Variants in PLET1 observed in about 807,000 individuals in gnomAD.
PLET1 encodes placenta expressed transcript 1, also known as placenta-expressed transcript 1 protein.
In PLET1, 20 loss-of-function variants were observed where a neutral mutation model predicts 18.5. The observed-to-expected ratio is 1.08, with a 90% CI of 0.76 to 1.57. PLET1 has a LOEUF of 1.57. PLET1 is among the 40% of genes most tolerant of loss of function. The probability of loss-of-function intolerance (pLI) is 0.00; values close to 1 mark genes in which losing one functional copy is unlikely to be tolerated. For synonymous variants in PLET1, 93 were observed against 93.8 expected (o/e 0.99, Z 0.05); for missense variants, 256 against 246.4 (o/e 1.04, Z -0.26).
At chr11:112,251,284 A>G (rs1592889047) in intron 3 of PLET1, among the ~76,000 whole-genome samples, 1 of 9,740 alleles carries the variant, frequency 1.0e-4, no homozygotes, top group Non-Finnish European at 2.3e-4. Flanking sequence ...TTTGTAAATT[A>G]AAAAAAAAAA....
At chr11:112,249,930 C>A (rs1860136911) in intron 3 of PLET1, among the ~76,000 whole-genome samples, 1 of 134,634 alleles carries the variant, frequency 7.4e-6, no homozygotes, top group East Asian at 2.2e-4. Flanking sequence ...GCATTCCAGT[C>A]TGGGTGAGAA....
Position 112,248,940 on chromosome 11 carries a change from C to A in PLET1, c.483G>T (p.Gln161His). The change falls in exon 4 of 4, where the codon CAG becomes CAT. Residue 161 changes from glutamine (Q) to histidine (H), a missense_variant. Transcript: ENST00000338832. ...STLALAAKIP[Q>H]SSAFKPFFMI... ...TGAAGAAAGGCTTGAAGGCTGAGCTCTGGGGAATCTTGGCAGCTAAGGCTA... is the reference window on the plus strand; with the variant it reads ...TGAAGAAAGGCTTGAAGGCTGAGCTATGGGGAATCTTGGCAGCTAAGGCTA... 4 of 1,550,806 alleles carry A rather than the reference C, an allele frequency of 2.6e-6. No homozygotes were observed. Among genetic ancestry groups the A allele is most frequent in the Non-Finnish European group, 2.6e-6 (3 of 1,146,972 alleles).
Position 112,248,927 on chromosome 11 carries a change from T to C in PLET1, c.496A>G (p.Lys166Glu). 3 of 1,551,168 alleles carry C rather than the reference T, an allele frequency of 1.9e-6. No individual in the cohort carries two copies. Among genetic ancestry groups the C allele is most frequent in the Non-Finnish European group, 2.6e-6 (3 of 1,146,982 alleles). The stretch of plus-strand genomic sequence containing the variant: ...TTGGGTGTAATCATGAAGAAAGGCT[T>C]GAAGGCTGAGCTCTGGGGAATCTTG... ...AAKIPQSSAF[K>E]PFFMITPKSI... Residue 166 changes from lysine (K) to glutamate (E), a missense_variant, in exon 4 of 4, where the codon AAG (lysine) becomes GAG (glutamate). Lys to Glu is a moderately conservative substitution (Grantham distance 56). Transcript: ENST00000338832.
intron 3 of PLET1, among the ~76,000 whole-genome samples, chr11:112,251,203 T>C (rs1355348953): frequency 6.6e-6 from 1 of 152,150 alleles, no homozygotes; most frequent in Non-Finnish European, 1.5e-5. Flanking sequence ...AGGAGTCTTC[T>C]TTTGGCCATT....
chr11:112,256,188 G>C lies in PLET1; in HGVS notation c.185-599C>G, dbSNP rs188409931. Among the ~76,000 whole-genome samples, 6 of 152,316 alleles carry C rather than the reference G, an allele frequency of 3.9e-5. No individual in the cohort carries two copies. In the East Asian group the frequency reaches 1.2e-3, roughly 29 times the overall value. ...CTTAGAGAGTTACCCTCAGTAACTT[G>C]TTAATTCCACTTGTTAATTTCAGCC... On this transcript the variant is annotated intron_variant, in intron 1 of 3. Transcript: ENST00000338832.
At position 112,248,404 on chromosome 11, in the gene PLET1, AG is replaced by A; in HGVS notation, c.*394del. ...CTGAATGGGTTTGGTTAGAAATCTG[AG>A]ATCATCTTGAAAGTAAGGAAGGATT... On this transcript the variant is annotated 3_prime_UTR_variant, in exon 4 of 4. Transcript: ENST00000338832. The A allele has an allele frequency of 2.5e-6, 1 of 399,246 alleles. No individual in the cohort carries two copies. The highest frequency in any genetic ancestry group is 4.4e-6 in the Non-Finnish European group (1 of 227,194). 24.7% of individuals were successfully genotyped at this position (399,246 alleles called of 1,614,324 possible).
intron 3 of PLET1, among the ~76,000 whole-genome samples, chr11:112,250,537 TC>T (rs1187865557): frequency 1.3e-5 from 2 of 152,154 alleles, no homozygotes; most frequent in Non-Finnish European, 2.9e-5. Flanking sequence ...TTTCTTTACA[TC>T]AATAAAGTAA....
chr11:112,252,405 A>G lies in PLET1; in HGVS notation c.391T>C (p.Phe131Leu). The G allele has an allele frequency of 6.4e-7, 1 of 1,551,090 alleles. No homozygotes were observed. The highest frequency in any genetic ancestry group is 8.7e-7 in the Non-Finnish European group (1 of 1,146,480). ...GGCAGCGCTCTGATCTGGACAGTGAAAGCTCTGTGGAGGGCAAATCAATGA... is the reference window on the plus strand; with the variant it reads ...GGCAGCGCTCTGATCTGGACAGTGAGAGCTCTGTGGAGGGCAAATCAATGA... ...ENITEVEIQA[F>L]TVQIRALPIL... is the part of the protein sequence containing the mutation. Residue 131 changes from phenylalanine to leucine, a missense_variant, in exon 3 of 4, where the codon TTC becomes CTC. Physicochemically the swap from Phe to Leu is conservative, Grantham distance 22. Transcript: ENST00000338832.
Position 112,250,991 on chromosome 11 carries a change from G to A in PLET1, c.448+1357C>T, listed in dbSNP as rs114821230. Among the ~76,000 whole-genome samples the A allele has an allele frequency of 4.4e-3, 668 of 152,292 alleles. 6 individuals carry two copies. Among genetic ancestry groups the A allele is most frequent in the African/African-American group, 0.015 (620 of 41,560 alleles). The stretch of plus-strand genomic sequence containing the variant: ...TCCCTTTGAACACATTTTGCAATGC[G>A]TAACTGGCGGGAAAATAGGCAGCAT... On this transcript the variant is annotated intron_variant, in intron 3 of 3. Transcript: ENST00000338832.
chr11:112,255,455 A>T lies in PLET1; in HGVS notation c.319T>A (p.Tyr107Asn). The change falls in exon 2 of 4, where the codon TAC becomes AAC. Residue 107 changes from tyrosine (Y) to asparagine (N), a missense_variant. By Grantham distance (143) the Tyr-to-Asn change is moderately radical (BLOSUM62 -2). Transcript: ENST00000338832. ...SNSTYYVKDQ[Y>N]MTVLEAQWQA... ...CACTGTGCCTCTAAGACCGTCATGT[A>T]TTGATCTTTCACGTAATACGTGGAG... 6.4e-7 allele frequency: 1 copy of T among 1,552,272 alleles called. No individual in the cohort carries two copies. Among genetic ancestry groups the T allele is most frequent in the Non-Finnish European group, 8.7e-7 (1 of 1,147,088 alleles).
chr11:112,259,633 G>A (rs1464200790), intron 1 of PLET1, among the ~76,000 whole-genome samples: 2 of 152,122 alleles, frequency 1.3e-5, no homozygotes, highest in African/African-American at 2.4e-5. Flanking sequence ...TACATAAAGT[G>A]GGTTAGTAAT....
intron 3 of PLET1, among the ~76,000 whole-genome samples, chr11:112,249,924 TC>T (rs2135415757): frequency 1.4e-5 from 2 of 143,234 alleles, no homozygotes; most frequent in African/African-American, 5.2e-5. Context: ...GCTACTGCAT[TC>T]CAGTCTGGGT....
chr11:112,254,707 ATG>A (rs1283456466), intron 2 of PLET1, among the ~76,000 whole-genome samples: 3 of 59,160 alleles, frequency 5.1e-5, no homozygotes, highest in East Asian at 6.3e-4. Flanking sequence ...TGTGGTATGT[ATG>A]TGTGTGTTGT....
At chr11:112,249,124 C>A in intron 3 of PLET1, 150 bp from the exon 4 acceptor site, 1 of 741,618 alleles carries the variant, frequency 1.3e-6, no homozygotes, top group South Asian at 1.9e-5. Context: ...TTCTCCAGTG[C>A]CAAGTGTTTT....
chr11:112,252,695 C>T (rs1397894881), intron 2 of PLET1, among the ~76,000 whole-genome samples: 3 of 152,136 alleles, frequency 2.0e-5, no homozygotes, highest in Non-Finnish European at 4.4e-5. Context: ...CAAGCCAGTC[C>T]CTCTGCCTAT....
chr11:112,248,803 A>G lies in PLET1; in HGVS notation c.620T>C (p.Phe207Ser). 1.3e-6 allele frequency: 2 copies of G among 1,551,514 alleles called. No individual in the cohort carries two copies. Among genetic ancestry groups the G allele is most frequent in the Non-Finnish European group, 1.7e-6 (2 of 1,146,936 alleles). Residue 207 changes from phenylalanine to serine, a missense_variant, in exon 4 of 4, where the codon TTC (phenylalanine) becomes TCC (serine). By Grantham distance (155) the Phe-to-Ser change is radical (BLOSUM62 -2). Transcript: ENST00000338832. Reference sequence around the variant, plus strand: ...AATTGTTTCCCTGGCTTCCCTTTAGAAGAGAAGTGTGCTGGTGAGAAAAGC... The same window carrying G: ...AATTGTTTCCCTGGCTTCCCTTTAGGAGAGAAGTGTGCTGGTGAGAAAAGC... ...LLAFLTSTLL[F>S]
chr11:112,252,182 G>C (rs1308086814), intron 3 of PLET1, among the ~76,000 whole-genome samples, 166 bp downstream of exon 3: 2 of 152,166 alleles, frequency 1.3e-5, no homozygotes, highest in African/African-American at 2.4e-5. Flanking sequence ...TGGGACAACG[G>C]GTTGGGCAAA....
chr11:112,258,440 C>T (rs1447201726), intron 1 of PLET1, among the ~76,000 whole-genome samples: 1 of 151,944 alleles, frequency 6.6e-6, no homozygotes, highest in African/African-American at 2.4e-5. Flanking sequence ...CACATCATCA[C>T]GTCTGGCTAA....
At chr11:112,249,834 G>A (rs930329015) in intron 3 of PLET1, among the ~76,000 whole-genome samples, 2 of 152,024 alleles carry the variant, frequency 1.3e-5, no homozygotes, top group African/African-American at 2.4e-5. Context: ...GCAGGGGCCT[G>A]TAATCCCAGC....
Sources: allele counts gnomAD v4.1 joint callset (sites outside exome capture counted in the v4.1 genomes callset), GRCh38; gene constraint gnomAD v4.1.1; transcripts MANE v1.5; gene names NCBI Gene and HGNC (gene_info 2026-07-23, HGNC 2026-07-21).